The following MELK variants were observed in gnomAD, a reference collection of about 807,000 sequenced individuals.
The protein encoded by MELK is maternal embryonic leucine zipper kinase, also known as pEg3 kinase.
MELK carries 81 observed loss-of-function variants against 85.0 expected under a neutral mutation model. The observed-to-expected ratio is 0.95, with a 90% CI of 0.80 to 1.15. The LOEUF (loss-of-function observed/expected upper bound fraction) is 1.15, where lower values mean the gene tolerates loss of function less well. MELK is among the 50% of genes most tolerant of loss of function. MELK has a pLI of 0.00. For missense variants in MELK, 754 were observed against 777.5 expected (o/e 0.97, Z 0.36); for synonymous variants, 252 against 265.0 (o/e 0.95, Z 0.48).
At chr9:36,600,157 G>T (rs899848536) in intron 7 of MELK, among the ~76,000 whole-genome samples, 1 of 146,780 alleles carries the variant, frequency 6.8e-6, no homozygotes, top group East Asian at 2.0e-4. Context: ...GCAGTGGCGC[G>T]ATCTTGGCTC....
Position 36,665,371 on chromosome 9 carries a change from T to C in MELK, c.1198T>C (p.Ser400Pro), listed in dbSNP as rs780212191. Residue 400 changes from serine (S) to proline (P), a missense_variant, in exon 14 of 18, where the codon TCA becomes CCA. By Grantham distance (74) the Ser-to-Pro change is moderately conservative. Transcript: ENST00000298048. The part of the protein sequence containing the change: ...TSQFTKYWTE[S>P]NGVESKSLTP... ...CCAGTTTACCAAGTACTGGACAGAA[T>C]CAAATGGGGTGGAATCTAAATCATT... is the stretch of plus-strand genomic sequence containing the variant. 1.2e-6 allele frequency: 2 copies of C among 1,612,848 alleles called. No individual in the cohort carries two copies. Among genetic ancestry groups the C allele is most frequent in the Admixed American group, 3.3e-5 (2 of 59,912 alleles).
At position 36,665,360 on chromosome 9, in the gene MELK, A is replaced by G; in HGVS notation, c.1187A>G (p.Tyr396Cys). 1.9e-6 allele frequency: 3 copies of G among 1,610,618 alleles called. No individual in the cohort carries two copies. Among genetic ancestry groups the G allele is most frequent in the Non-Finnish European group, 1.7e-6 (2 of 1,177,724 alleles). The change falls in exon 14 of 18, where the codon TAC (tyrosine) becomes TGC (cysteine). Residue 396 changes from tyrosine (Y) to cysteine (C), a missense_variant. Transcript: ENST00000298048. Reference protein sequence around the residue: ...ATPRTSQFTKYWTESNGVESK... With the variant: ...ATPRTSQFTKCWTESNGVESK... ...ACTTTTTTTTTCCAGTTTACCAAGT[A>G]CTGGACAGAATCAAATGGGGTGGAA...
At position 36,676,579 on chromosome 9, in the gene MELK, C is replaced by T. The variant is rs1300287578; in HGVS notation, c.1779-581C>T. Among the ~76,000 whole-genome samples, 3 of 152,188 alleles carry T rather than the reference C, an allele frequency of 2.0e-5. No homozygotes were observed. In the East Asian group the frequency reaches 5.8e-4, roughly 29 times the overall value. On this transcript the variant is annotated intron_variant, in intron 17 of 17. Coordinates refer to ENST00000298048, the MANE Select transcript of MELK (RefSeq NM_014791.4). ...CGTACGTTTCAGTTATGGGAATATA[C>T]CATTTCCTTGGGCTTTTTCTTCTGC...
chr9:36,665,356 AAGT>A lies in MELK; in HGVS notation c.1185_1187del (p.Lys395_Tyr396delinsAsn). On this transcript the variant is annotated inframe_deletion, in exon 14 of 18. Coordinates refer to ENST00000298048, the MANE Select transcript of MELK (RefSeq NM_014791.4). ...AGTAACTTTTTTTTTCCAGTTTACCAAGTACTGGACAGAATCAAATGGGGTGGA... is the reference window on the plus strand; with the variant it reads ...AGTAACTTTTTTTTTCCAGTTTACCAACTGGACAGAATCAAATGGGGTGGA... 3.1e-6 allele frequency: 5 copies of A among 1,597,408 alleles called. No homozygotes were observed. In the South Asian group the frequency reaches 4.5e-5, roughly 15 times the overall value.
intron 12 of MELK, among the ~76,000 whole-genome samples, chr9:36,654,832 A>C (rs1831065989): frequency 1.3e-5 from 2 of 152,228 alleles, no homozygotes; most frequent in South Asian, 4.1e-4. Flanking sequence ...ATGGCAGATC[A>C]AGAGACATTT....
chr9:36,600,072 T>C (rs543200676), intron 7 of MELK, among the ~76,000 whole-genome samples: 10 of 151,352 alleles, frequency 6.6e-5, no homozygotes, highest in East Asian at 1.9e-4. Context: ...TTTCAGGACA[T>C]GTCCAAATCT....
At position 36,657,305 on chromosome 9, in the gene MELK, A is replaced by G. The variant is rs775750782; in HGVS notation, c.1118A>G (p.Asp373Gly). The change falls in exon 13 of 18, where the codon GAC becomes GGC. Residue 373 changes from aspartate to glycine, a missense_variant. Asp to Gly is a moderately conservative substitution (Grantham distance 94). Transcript: ENST00000298048. ...SDKNYVAGLI[D>G]YDWCEDDLST... ...AAAAATTATGTGGCGGGATTAATAG[A>G]CTATGATTGGTGTGAAGATGATTTA... is the stretch of plus-strand genomic sequence containing the variant. The G allele has an allele frequency of 6.2e-7, 1 of 1,613,626 alleles. No individual in the cohort carries two copies. The highest frequency in any genetic ancestry group is 1.1e-5 in the South Asian group (1 of 90,924).
At chr9:36,602,904 A>G (rs1825083829) in intron 7 of MELK, among the ~76,000 whole-genome samples, 1 of 152,166 alleles carries the variant, frequency 6.6e-6, no homozygotes, top group Non-Finnish European at 1.5e-5. Flanking sequence ...CCCATAAGAT[A>G]AAGAAGATGA....
intron 12 of MELK, among the ~76,000 whole-genome samples, 165 bp downstream of exon 12, chr9:36,652,042 ATTT>A (rs11465173): frequency 1.1e-5 from 1 of 91,392 alleles, no homozygotes; most frequent in Non-Finnish European, 2.0e-5. Context: ...TTGAACTCTA[ATTT>A]TTTTTTTTTT....
chr9:36,657,139 T>C (rs566871484), intron 12 of MELK, 102 bp from the exon 13 acceptor site: 1 of 1,325,098 alleles, frequency 7.5e-7, no homozygotes, highest in Admixed American at 2.6e-5. Context: ...GCCTAATACA[T>C]TTCTCAGAAT....
chr9:36,619,400 A>T (rs910451513), intron 8 of MELK, among the ~76,000 whole-genome samples: 1 of 152,212 alleles, frequency 6.6e-6, no homozygotes, highest in Admixed American at 6.5e-5. Context: ...TAAGAACAAG[A>T]GGGGCCATGA....
intron 7 of MELK, among the ~76,000 whole-genome samples, chr9:36,605,303 G>A (rs1825377329): frequency 6.6e-6 from 1 of 151,596 alleles, no homozygotes; most frequent in Non-Finnish European, 1.5e-5. Context: ...CTACCTCCCG[G>A]GTTCAAGCAA....
At chr9:36,660,516 C>T (rs755224929) in intron 13 of MELK, among the ~76,000 whole-genome samples, 2 of 151,682 alleles carry the variant, frequency 1.3e-5, no homozygotes, top group Non-Finnish European at 2.9e-5. Flanking sequence ...GAGACAGGGT[C>T]TCAATATTTT....
chr9:36,588,414 T>C (rs1341781290), intron 3 of MELK, among the ~76,000 whole-genome samples: 2 of 139,842 alleles, frequency 1.4e-5, no homozygotes, highest in Non-Finnish European at 3.0e-5. Flanking sequence ...AGTTTCGCTC[T>C]TGTTGCCCAG....
intron 11 of MELK, among the ~76,000 whole-genome samples, chr9:36,646,410 G>C (rs1290099607): frequency 1.3e-5 from 2 of 152,120 alleles, no homozygotes; most frequent in East Asian, 3.8e-4. Flanking sequence ...GAGAGAGAGA[G>C]AAACAATATT....
Position 36,672,369 on chromosome 9 carries a change from T to C in MELK, c.1674+1203T>C, listed in dbSNP as rs143019679. ...TACCATTGCACTGAAAAATGTTAAA[T>C]AAAATTAAGGAAACTAGTTCAACCA... On this transcript the variant is annotated intron_variant, in intron 16 of 17. Coordinates refer to ENST00000298048, the MANE Select transcript of MELK (RefSeq NM_014791.4). Among the ~76,000 whole-genome samples, 1,405 of 152,260 alleles carry C rather than the reference T, an allele frequency of 9.2e-3. 20 individuals are homozygous for C. Among genetic ancestry groups the C allele is most frequent in the Middle Eastern group, 0.065 (19 of 294 alleles).
chr9:36,616,877 G>A, intron 8 of MELK, among the ~76,000 whole-genome samples: 1 of 124,220 alleles, frequency 8.1e-6, no homozygotes, highest in East Asian at 2.3e-4. Flanking sequence ...ACACTGTTCT[G>A]CACTTTGTTT....
At chr9:36,666,724 C>T (rs569490870) in intron 14 of MELK, among the ~76,000 whole-genome samples, 192 of 152,256 alleles carry the variant, frequency 1.3e-3, no homozygotes, top group Non-Finnish European at 2.2e-3. Flanking sequence ...AAAGATATTA[C>T]GGAAGACTTT....
chr9:36,634,121 G>A (rs1037316526), intron 10 of MELK, among the ~76,000 whole-genome samples: 4 of 152,136 alleles, frequency 2.6e-5, no homozygotes, highest in Non-Finnish European at 5.9e-5. Flanking sequence ...TCTTCCAAAC[G>A]TTAACACATT....
Sources: allele counts gnomAD v4.1 joint callset (sites outside exome capture counted in the v4.1 genomes callset), GRCh38; gene constraint gnomAD v4.1.1; transcripts MANE v1.5; gene names NCBI Gene and HGNC (gene_info 2026-07-23, HGNC 2026-07-21).